FRMD6: variants seen among roughly 807,000 people sequenced by gnomAD.
FRMD6 encodes the protein FERM domain containing 6, also known as FERM domain-containing protein 6.
In FRMD6, 37 loss-of-function variants were observed where a neutral mutation model predicts 73.2. The ratio of observed to expected loss-of-function variants is 0.51; its 90% CI spans 0.39 to 0.66. The LOEUF (loss-of-function observed/expected upper bound fraction) is 0.66. FRMD6 is among the 30% of genes least tolerant of loss of function. The pLI, the probability that FRMD6 is intolerant of heterozygous loss-of-function variation, is 0.00. For synonymous variants in FRMD6, 273 were observed against 282.2 expected (o/e 0.97, Z 0.33); for missense variants, 714 against 780.5 (o/e 0.91, Z 1.02).
chr14:51,610,032 T>G (rs1201277356), intron 2 of FRMD6, among the ~76,000 whole-genome samples: 1 of 152,092 alleles, frequency 6.6e-6, no homozygotes, highest in Non-Finnish European at 1.5e-5. Context: ...ATAGAGTCAT[T>G]TCTGGTGCAA....
chr14:51,628,831 A>T (rs548544261), intron 2 of FRMD6, among the ~76,000 whole-genome samples: 2 of 145,312 alleles, frequency 1.4e-5, no homozygotes, highest in African/African-American at 5.0e-5. Context: ...AAAAGGCAAC[A>T]TACACATACA....
At chr14:51,497,914 A>G (rs913327451) in intron 1 of FRMD6, among the ~76,000 whole-genome samples, 1 of 152,138 alleles carries the variant, frequency 6.6e-6, no homozygotes, top group Non-Finnish European at 1.5e-5. Context: ...AGAACTTCCT[A>G]AAGTCCTTTA....
intron 1 of FRMD6, among the ~76,000 whole-genome samples, chr14:51,521,170 G>C (rs145131068): frequency 2.2e-3 from 329 of 152,280 alleles, no homozygotes; most frequent in Middle Eastern, 0.01. Context: ...TCTGTATCTT[G>C]ACTGTGGAGA....
intron 1 of FRMD6, among the ~76,000 whole-genome samples, chr14:51,526,954 A>G (rs1214486099): frequency 6.6e-6 from 1 of 152,260 alleles, no homozygotes; most frequent in Non-Finnish European, 1.5e-5. Flanking sequence ...ATACCTGGCA[A>G]GAAGGACAAG....
chr14:51,419,521 T>C, the FRMD6 span, among the ~76,000 whole-genome samples: 2 of 152,106 alleles, frequency 1.3e-5, no homozygotes, highest in African/African-American at 4.8e-5. Flanking sequence ...GGGCAAAATA[T>C]GGGGGAGGCA....
intron 5 of FRMD6, 58 bp from the exon 6 acceptor site, chr14:51,704,691 T>C: frequency 1.4e-6 from 2 of 1,444,948 alleles, no homozygotes; most frequent in Non-Finnish European, 1.9e-6. Flanking sequence ...GGGTTCTGTT[T>C]ACATGTCATT....
At chr14:51,555,576 G>A (rs1315106724) in intron 1 of FRMD6, among the ~76,000 whole-genome samples, 3 of 152,138 alleles carry the variant, frequency 2.0e-5, no homozygotes, top group African/African-American at 7.2e-5. Context: ...GCTGAGTCGA[G>A]CAGATCACCT....
At chr14:51,451,320 T>A in the FRMD6 span, among the ~76,000 whole-genome samples, 5 of 152,192 alleles carry the variant, frequency 3.3e-5, no homozygotes, top group African/African-American at 1.2e-4. Flanking sequence ...GGGACAGATA[T>A]CTCATGAAGG....
At chr14:51,549,855 A>G (rs1277657343) in intron 1 of FRMD6, among the ~76,000 whole-genome samples, 1 of 151,990 alleles carries the variant, frequency 6.6e-6, no homozygotes, top group African/African-American at 2.4e-5. Flanking sequence ...TCGGCCTCCC[A>G]AAGTGCTGGG....
At chr14:51,460,135 T>G in the FRMD6 span, among the ~76,000 whole-genome samples, 1 of 152,140 alleles carries the variant, frequency 6.6e-6, no homozygotes, top group African/African-American at 2.4e-5. Flanking sequence ...AGCTGCTATA[T>G]GCCAGAAATT....
intron 2 of FRMD6, among the ~76,000 whole-genome samples, chr14:51,580,327 C>T (rs1888649723): frequency 6.6e-6 from 1 of 152,162 alleles, no homozygotes; most frequent in African/African-American, 2.4e-5. Context: ...ACCTGGAAGT[C>T]CAGTATCAGC....
At chr14:51,438,151 G>A in the FRMD6 span, among the ~76,000 whole-genome samples, 15,012 of 152,250 alleles carry the variant, frequency 0.099, 881 homozygotes, top group Non-Finnish European at 0.13. Context: ...TTGACAGCAT[G>A]GCTTCTGCTT....
In FRMD6 at chr14:51,602,515, T is replaced by A. The variant is rs566230309; in HGVS notation, c.-147+32105T>A. Among the ~76,000 whole-genome samples the A allele has an allele frequency of 2.0e-5, 3 of 152,382 alleles. No individual in the cohort carries two copies. In the East Asian group the frequency reaches 5.8e-4, roughly 29 times the overall value. On this transcript the variant is annotated intron_variant, in intron 2 of 14. Transcript: ENST00000356218. ...TATTTTATGACACATGAAAATTATA[T>A]GAGAATCACATTTCAGGGTCTATAA...
intron 2 of FRMD6, among the ~76,000 whole-genome samples, chr14:51,626,118 T>A (rs1303821576): frequency 3.3e-5 from 5 of 152,198 alleles, no homozygotes; most frequent in Admixed American, 6.5e-5. Flanking sequence ...AGGTGGTACA[T>A]ACACACCATA....
At chr14:51,533,234 G>GT (rs1225250995) in intron 1 of FRMD6, among the ~76,000 whole-genome samples, 1 of 152,144 alleles carries the variant, frequency 6.6e-6, no homozygotes, top group African/African-American at 2.4e-5. Flanking sequence ...AGGAGTCTGG[G>GT]TTTTTTTCTG....
At chr14:51,544,876 A>G (rs1886384534) in intron 1 of FRMD6, among the ~76,000 whole-genome samples, 1 of 152,084 alleles carries the variant, frequency 6.6e-6, no homozygotes, top group Non-Finnish European at 1.5e-5. Context: ...TTTGGCATTT[A>G]TACACACACA....
chr14:51,704,165 G>A (rs914819189), intron 5 of FRMD6, among the ~76,000 whole-genome samples: 7 of 152,038 alleles, frequency 4.6e-5, no homozygotes, highest in African/African-American at 9.7e-5. Context: ...TTTAAGGAAA[G>A]CATTCATTGC....
rs375494832 is a variant in FRMD6, at chr14:51,670,899, G to A, written c.-146-18792G>A. Among the ~76,000 whole-genome samples, 4 of 152,124 alleles carry A rather than the reference G, an allele frequency of 2.6e-5. No individual in the cohort carries two copies. In the East Asian group the frequency reaches 5.8e-4, roughly 22 times the overall value. The stretch of plus-strand genomic sequence containing the variant: ...TGACCTCAGGTGATCCACCTGCCTC[G>A]GCCTCCCAAAATGGTGGGATTACAG... On this transcript the variant is annotated intron_variant, in intron 1 of 13. Transcript: ENST00000344768.
chr14:51,587,704 G>C (rs531827241), intron 2 of FRMD6, among the ~76,000 whole-genome samples: 70 of 152,106 alleles, frequency 4.6e-4, no homozygotes, highest in African/African-American at 1.6e-3. Flanking sequence ...CTGTTTATGG[G>C]GTTGTGCAGA....
Sources: gnomAD v4.1 joint callset for allele counts (sites outside exome capture counted in the v4.1 genomes callset) on GRCh38, gnomAD v4.1.1 for gene constraint, MANE v1.5 for transcripts, NCBI Gene and HGNC (gene_info 2026-07-23, HGNC 2026-07-21) for gene names.